Variants in RABGAP1L observed in about 807,000 individuals in gnomAD.
RABGAP1L encodes the protein rab GTPase-activating protein 1-like.
A neutral mutation model predicts 137.7 loss-of-function variants in RABGAP1L; 63 were observed. That is an observed-to-expected ratio of 0.46 (90% CI 0.37 to 0.56). RABGAP1L has a LOEUF of 0.56. Ranked by LOEUF, RABGAP1L falls within the 20% of genes least tolerant of loss-of-function variation. RABGAP1L has a pLI of 0.00. For synonymous variants in RABGAP1L, 431 were observed against 433.7 expected (o/e 0.99, Z 0.08); for missense variants, 1,095 against 1,244.0 (o/e 0.88, Z 1.80).
chr1:174,878,834 A>T (rs1321483608), intron 19 of RABGAP1L, among the ~76,000 whole-genome samples: 1 of 152,054 alleles, frequency 6.6e-6, no homozygotes, highest in African/African-American at 2.4e-5. Context: ...GTATAAAAAG[A>T]ACTGTAAGAT....
intron 19 of RABGAP1L, among the ~76,000 whole-genome samples, chr1:174,850,849 T>G (rs1486738940): frequency 6.6e-6 from 1 of 152,080 alleles, no homozygotes; most frequent in Non-Finnish European, 1.5e-5. Flanking sequence ...GTCAAAGAGA[T>G]TGGAAGTATG....
At chr1:174,570,524 A>C (rs969549409) in intron 13 of RABGAP1L, among the ~76,000 whole-genome samples, 2 of 152,064 alleles carry the variant, frequency 1.3e-5, no homozygotes, top group African/African-American at 4.8e-5. Context: ...TGGAGAGGGG[A>C]AGAGGGGAGG....
At chr1:174,824,794 C>G (rs1691402374) in intron 19 of RABGAP1L, among the ~76,000 whole-genome samples, 1 of 152,094 alleles carries the variant, frequency 6.6e-6, no homozygotes, top group Non-Finnish European at 1.5e-5. Flanking sequence ...CCTCCTCTCT[C>G]CCCTACTGTT....
intron 13 of RABGAP1L, among the ~76,000 whole-genome samples, chr1:174,438,733 A>AGTGTGT (rs1167772942): frequency 3.5e-5 from 3 of 86,928 alleles, no homozygotes; most frequent in African/African-American, 2.0e-4. Flanking sequence ...ACCCAAAAAA[A>AGTGTGT]GTGTGTGTGT....
chr1:174,541,987 T>A (rs544074521), intron 13 of RABGAP1L, among the ~76,000 whole-genome samples: 1 of 152,194 alleles, frequency 6.6e-6, no homozygotes, highest in Non-Finnish European at 1.5e-5. Context: ...CTGCTGGATT[T>A]GGTTTGCCAG....
intron 11 of RABGAP1L, among the ~76,000 whole-genome samples, chr1:174,364,053 G>C (rs959531868): frequency 6.6e-6 from 1 of 151,582 alleles, no homozygotes; most frequent in African/African-American, 2.4e-5. Flanking sequence ...TGACCTTCTA[G>C]AGTAAGTCTG....
chr1:174,612,507 C>T (rs942890157), intron 13 of RABGAP1L, among the ~76,000 whole-genome samples: 5 of 152,142 alleles, frequency 3.3e-5, no homozygotes, highest in African/African-American at 9.7e-5. Context: ...GGATATTGGT[C>T]TAAAATTCTC....
At chr1:174,358,919 A>G (rs563234937) in intron 11 of RABGAP1L, among the ~76,000 whole-genome samples, 132 of 152,290 alleles carry the variant, frequency 8.7e-4, no homozygotes, top group African/African-American at 3.0e-3. Flanking sequence ...GATGGGAGAA[A>G]ATGTAGAGGA....
intron 13 of RABGAP1L, among the ~76,000 whole-genome samples, chr1:174,554,611 G>A (rs1411099969): frequency 6.6e-6 from 1 of 152,042 alleles, no homozygotes; most frequent in African/African-American, 2.4e-5. Flanking sequence ...CTATAATTAC[G>A]TGTTGTATCA....
intron 19 of RABGAP1L, among the ~76,000 whole-genome samples, chr1:174,851,930 C>G (rs544895098): frequency 1.3e-5 from 2 of 152,236 alleles, no homozygotes; most frequent in Non-Finnish European, 2.9e-5. Context: ...ATAGTGCAAT[C>G]AAGTAACACT....
intron 23 of RABGAP1L, among the ~76,000 whole-genome samples, chr1:174,979,633 A>G (rs1670928272): frequency 6.6e-6 from 1 of 152,342 alleles, no homozygotes; most frequent in South Asian, 2.1e-4. Flanking sequence ...TTTTTCCTAC[A>G]TGGCTATGTG....
intron 17 of RABGAP1L, among the ~76,000 whole-genome samples, chr1:174,727,927 G>A (rs1682129309): frequency 6.6e-6 from 1 of 152,116 alleles, no homozygotes; most frequent in African/African-American, 2.4e-5. Flanking sequence ...TTGTAGAAGA[G>A]GAAAGGAATC....
At chr1:174,404,268 G>A (rs1648998505) in intron 13 of RABGAP1L, among the ~76,000 whole-genome samples, 2 of 152,114 alleles carry the variant, frequency 1.3e-5, no homozygotes, top group South Asian at 4.1e-4. Context: ...ATCTGAGGTG[G>A]GACTTGAAGA....
chr1:174,715,764 C>G (rs1016048700), intron 17 of RABGAP1L, among the ~76,000 whole-genome samples: 1 of 152,160 alleles, frequency 6.6e-6, no homozygotes, highest in African/African-American at 2.4e-5. Flanking sequence ...AATCAATTCC[C>G]AATATCATTT....
intron 13 of RABGAP1L, among the ~76,000 whole-genome samples, chr1:174,478,187 C>G (rs1455905070): frequency 2.0e-5 from 3 of 151,514 alleles, no homozygotes; most frequent in African/African-American, 7.3e-5. Flanking sequence ...TGATTTTTAC[C>G]CCACCTTATT....
intron 13 of RABGAP1L, among the ~76,000 whole-genome samples, chr1:174,500,156 T>G (rs577482151): frequency 6.6e-6 from 1 of 151,854 alleles, no homozygotes; most frequent in South Asian, 2.1e-4. Flanking sequence ...CTCAACTCAC[T>G]GCAACCTCCG....
In RABGAP1L at chr1:174,349,931, C is replaced by A. The variant is rs528366349; in HGVS notation, c.1466-21048C>A. Among the ~76,000 whole-genome samples, 4 of 141,634 alleles carry A rather than the reference C, an allele frequency of 2.8e-5. No individual in the cohort carries two copies. The East Asian group carries it at 9.5e-4, about 33-fold the overall frequency. 92.9% of individuals were successfully genotyped at this position (141,634 alleles called of 152,430 possible). Reference sequence around the variant, plus strand: ...GGGCTGACCCCCCCCCACCTCCCTCCCGGACGGGGCGGCTGGCCGGGTGGG... The same window carrying A: ...GGGCTGACCCCCCCCCACCTCCCTCACGGACGGGGCGGCTGGCCGGGTGGG... On this transcript the variant is annotated intron_variant, in intron 11 of 25. Transcript: ENST00000681986.
At chr1:174,662,967 T>G (rs1015840343) in intron 14 of RABGAP1L, among the ~76,000 whole-genome samples, 2 of 152,228 alleles carry the variant, frequency 1.3e-5, no homozygotes, top group African/African-American at 4.8e-5. Context: ...AGCTGTACAA[T>G]GTAGTTTTAA....
chr1:174,575,606 A>G (rs905932008), intron 13 of RABGAP1L, among the ~76,000 whole-genome samples: 5 of 152,242 alleles, frequency 3.3e-5, no homozygotes, highest in African/African-American at 1.2e-4. Flanking sequence ...ATTGACAACC[A>G]AGGATAACAA....
Sources: gnomAD v4.1 joint callset for allele counts (sites outside exome capture counted in the v4.1 genomes callset) on GRCh38, gnomAD v4.1.1 for gene constraint, MANE v1.5 for transcripts, NCBI Gene and HGNC (gene_info 2026-07-23, HGNC 2026-07-21) for gene names.